ADAMTSL1: variants seen among roughly 807,000 people sequenced by gnomAD.
ADAMTSL1 encodes ADAMTS-like protein 1.
A neutral mutation model predicts 201.8 loss-of-function variants in ADAMTSL1; 126 were observed. The observed-to-expected ratio is 0.62, with a 90% CI of 0.54 to 0.72. ADAMTSL1 has a LOEUF of 0.72. Among genes scored for constraint, ADAMTSL1 ranks in the 30% least tolerant of loss-of-function variants. The pLI is 0.00. For synonymous variants in ADAMTSL1, 1,121 were observed against 903.4 expected (o/e 1.24, Z -4.32); for missense variants, 2,679 against 2,277.8 (o/e 1.18, Z -3.59).
chr9:18,473,163 A>C (rs1227604794), upstream of ADAMTSL1, among the ~76,000 whole-genome samples: 1 of 152,192 alleles, frequency 6.6e-6, no homozygotes, highest in African/African-American at 2.4e-5. Flanking sequence ...CCTTTTCTGC[A>C]TTATAACAGC....
chr9:18,822,729 T>C (rs953805788), intron 21 of ADAMTSL1, among the ~76,000 whole-genome samples: 2 of 152,220 alleles, frequency 1.3e-5, no homozygotes, highest in African/African-American at 4.8e-5. Context: ...CTTCACAGGA[T>C]CATTGTTAAA....
intron 2 of ADAMTSL1, among the ~76,000 whole-genome samples, chr9:18,269,965 AT>A (rs1256693806): frequency 6.6e-6 from 1 of 151,932 alleles, no homozygotes; most frequent in Non-Finnish European, 1.5e-5. Context: ...TGGAACAGCA[AT>A]TTTTGGAAGG....
At chr9:18,073,745 A>G (rs1004901968) in intron 1 of ADAMTSL1, among the ~76,000 whole-genome samples, 1 of 152,212 alleles carries the variant, frequency 6.6e-6, no homozygotes, top group Non-Finnish European at 1.5e-5. Flanking sequence ...CTGGCAAGGG[A>G]TTAAAAATAA....
At chr9:18,745,811 C>T (rs1324347232) in intron 15 of ADAMTSL1, among the ~76,000 whole-genome samples, 1 of 152,170 alleles carries the variant, frequency 6.6e-6, no homozygotes, top group Non-Finnish European at 1.5e-5. Context: ...ACTCTCTCCT[C>T]TGACAGTAAG....
chr9:17,963,955 G>A (rs188214425), intron 1 of ADAMTSL1, among the ~76,000 whole-genome samples: 122 of 152,106 alleles, frequency 8.0e-4, no homozygotes, highest in African/African-American at 2.9e-3. Context: ...CCTTTAACAT[G>A]CTCATAGATT....
At chr9:17,975,765 G>A (rs1818422326) in intron 1 of ADAMTSL1, among the ~76,000 whole-genome samples, 1 of 151,892 alleles carries the variant, frequency 6.6e-6, no homozygotes, top group African/African-American at 2.4e-5. Flanking sequence ...TGTTGCCTGT[G>A]CTTTTGGTAT....
intron 20 of ADAMTSL1, among the ~76,000 whole-genome samples, chr9:18,797,719 C>T (rs988287787): frequency 6.6e-6 from 1 of 152,178 alleles, no homozygotes; most frequent in Non-Finnish European, 1.5e-5. Flanking sequence ...TCTCTGTTCT[C>T]ATCTGTAAAA....
chr9:18,131,719 T>C (rs1375014755), intron 1 of ADAMTSL1, among the ~76,000 whole-genome samples: 2 of 152,134 alleles, frequency 1.3e-5, no homozygotes, highest in African/African-American at 4.8e-5. Context: ...GCTGGGACTG[T>C]GTACCCTTGA....
intron 2 of ADAMTSL1, among the ~76,000 whole-genome samples, chr9:18,348,834 T>C (rs911508028): frequency 1.3e-5 from 2 of 152,204 alleles, no homozygotes; most frequent in African/African-American, 4.8e-5. Context: ...AATGATTTTA[T>C]AGTGATATAA....
At chr9:17,932,567 G>T (rs1387834641) in intron 1 of ADAMTSL1, among the ~76,000 whole-genome samples, 1 of 152,218 alleles carries the variant, frequency 6.6e-6, no homozygotes, top group South Asian at 2.1e-4. Flanking sequence ...TTTTCCTATA[G>T]AATCATTAGT....
intron 24 of ADAMTSL1, 67 bp downstream of exon 24, chr9:18,888,110 C>A: frequency 6.7e-7 from 1 of 1,490,682 alleles, no homozygotes; most frequent in Non-Finnish European, 9.2e-7. Flanking sequence ...ATCTAACTAT[C>A]TAGCAGAACA....
chr9:18,205,229 C>G (rs1407776703), intron 2 of ADAMTSL1, among the ~76,000 whole-genome samples: 1 of 152,112 alleles, frequency 6.6e-6, no homozygotes, highest in Non-Finnish European at 1.5e-5. Flanking sequence ...CATCAAAAGA[C>G]TTTTAGCATG....
chr9:18,493,157 A>C (rs1371870996), intron 1 of ADAMTSL1, among the ~76,000 whole-genome samples: 1 of 152,166 alleles, frequency 6.6e-6, no homozygotes, highest in Admixed American at 6.5e-5. Flanking sequence ...TGCAATATTT[A>C]GTTTTATGGA....
chr9:17,931,812 C>T (rs1329115322), intron 1 of ADAMTSL1, among the ~76,000 whole-genome samples: 8 of 152,122 alleles, frequency 5.3e-5, no homozygotes, highest in Admixed American at 5.2e-4. Context: ...GCTGAAACTC[C>T]ATCACGGGTC....
At chr9:18,775,993 G>C (rs1820962788) in intron 18 of ADAMTSL1, 97 bp downstream of exon 18, 1 of 1,445,158 alleles carries the variant, frequency 6.9e-7, no homozygotes, top group Non-Finnish European at 9.4e-7. Context: ...AAGACCTGTG[G>C]GAAATAGTGG....
chr9:18,599,914 A>C (rs1824516862), intron 4 of ADAMTSL1, among the ~76,000 whole-genome samples: 1 of 147,100 alleles, frequency 6.8e-6, no homozygotes, highest in South Asian at 2.2e-4. Context: ...GCACTTTGGG[A>C]GGCCGAGGCG....
chr9:18,857,987 C>T (rs926398381), intron 23 of ADAMTSL1, among the ~76,000 whole-genome samples: 1 of 151,878 alleles, frequency 6.6e-6, no homozygotes, highest in African/African-American at 2.4e-5. Context: ...ATTTAGACAC[C>T]AAGATTTCAA....
At chr9:17,985,159 C>T (rs1452858017) in intron 1 of ADAMTSL1, among the ~76,000 whole-genome samples, 1 of 152,084 alleles carries the variant, frequency 6.6e-6, no homozygotes, top group Non-Finnish European at 1.5e-5. Context: ...CTTGAGACTT[C>T]ACTCTGACAT....
At chr9:18,562,098 T>G (rs959187743) in intron 3 of ADAMTSL1, among the ~76,000 whole-genome samples, 2 of 152,236 alleles carry the variant, frequency 1.3e-5, no homozygotes, top group African/African-American at 4.8e-5. Flanking sequence ...CATTAGTTGA[T>G]GCAGTTTCTT....
Sources: allele counts gnomAD v4.1 joint callset (sites outside exome capture counted in the v4.1 genomes callset), GRCh38; gene constraint gnomAD v4.1.1; transcripts MANE v1.5; gene names NCBI Gene and HGNC (gene_info 2026-07-23, HGNC 2026-07-21).